The following ULK4 variants were observed in gnomAD, a reference collection of about 807,000 sequenced individuals.
ULK4 encodes inactive serine/threonine-protein kinase ULK4.
ULK4 carries 133 observed loss-of-function variants against 160.6 expected under a neutral mutation model. That is an observed-to-expected ratio of 0.83 (90% CI 0.72 to 0.96). The LOEUF (loss-of-function observed/expected upper bound fraction) is 0.96. Among genes scored for constraint, ULK4 ranks in the 40% least tolerant of loss-of-function variants. The probability of loss-of-function intolerance (pLI) is 0.00; values close to 1 mark genes in which losing one functional copy is unlikely to be tolerated. For missense variants in ULK4, 1,580 were observed against 1,499.5 expected (o/e 1.05, Z -0.89); for synonymous variants, 534 against 539.8 (o/e 0.99, Z 0.15).
intron 19 of ULK4, among the ~76,000 whole-genome samples, chr3:41,804,599 G>A (rs563567182): frequency 6.4e-4 from 97 of 151,882 alleles, no homozygotes; most frequent in African/African-American, 2.3e-3. Context: ...TGTCTTCTAG[G>A]CTTTTTATGG....
At chr3:41,259,976 A>G (rs2078910145) in intron 35 of ULK4, 1 of 152,096 alleles carries the variant, frequency 6.6e-6, no homozygotes, top group African/African-American at 2.4e-5. Flanking sequence ...CACTTCACAC[A>G]GGGGAGGATT....
chr3:41,442,299 T>A (rs1218057810), intron 34 of ULK4, among the ~76,000 whole-genome samples: 1 of 152,134 alleles, frequency 6.6e-6, no homozygotes, highest in Non-Finnish European at 1.5e-5. Context: ...GGACTTAAAA[T>A]GTTTTGTGAT....
At chr3:41,600,849 G>C (rs2125660927) in intron 31 of ULK4, among the ~76,000 whole-genome samples, 1 of 152,308 alleles carries the variant, frequency 6.6e-6, no homozygotes, top group East Asian at 1.9e-4. Flanking sequence ...AAGTCACACA[G>C]AAAACTTCCA....
intron 34 of ULK4, among the ~76,000 whole-genome samples, chr3:41,437,383 T>C (rs999898207): frequency 6.6e-6 from 1 of 152,188 alleles, no homozygotes; most frequent in Non-Finnish European, 1.5e-5. Context: ...ATTGATAAAG[T>C]ATATTAGGAA....
intron 2 of ULK4, among the ~76,000 whole-genome samples, chr3:41,945,404 C>T (rs73071222): frequency 0.13 from 19,053 of 152,094 alleles, 1,376 homozygotes; most frequent in Middle Eastern, 0.27. Flanking sequence ...CTCCCCAGAG[C>T]CTGAGGAACA....
intron 2 of ULK4, among the ~76,000 whole-genome samples, chr3:41,943,839 G>A (rs995637454): frequency 2.0e-5 from 3 of 151,916 alleles, no homozygotes; most frequent in East Asian, 1.9e-4. Context: ...CTGTCTCCTC[G>A]CCACATTATG....
At chr3:41,311,762 G>T (rs916963620) in intron 35 of ULK4, among the ~76,000 whole-genome samples, 1 of 151,346 alleles carries the variant, frequency 6.6e-6, no homozygotes, top group African/African-American at 2.4e-5. Context: ...TAGCGACAGG[G>T]TTTCCCCATG....
At chr3:41,867,005 A>G (rs1696912297) in intron 17 of ULK4, among the ~76,000 whole-genome samples, 1 of 152,170 alleles carries the variant, frequency 6.6e-6, no homozygotes. Context: ...CAATCTAGCT[A>G]GAGATTTAAA....
At position 41,569,188 on chromosome 3, in the gene ULK4, T is replaced by A. The variant is rs566721708; in HGVS notation, c.3121-3058A>T. On this transcript the variant is annotated intron_variant, in intron 31 of 36. Coordinates refer to ENST00000301831, the MANE Select transcript of ULK4 (RefSeq NM_017886.4). Reference sequence around the variant, plus strand: ...TCTGTTATAGGTCCTTTGGGGTTTTTATGGAAGTTTTGTTATGTAGGCAAG... The same window carrying A: ...TCTGTTATAGGTCCTTTGGGGTTTTAATGGAAGTTTTGTTATGTAGGCAAG... 2.6e-5 allele frequency among the ~76,000 whole-genome samples: 4 copies of A among 152,258 alleles called. No individual in the cohort carries two copies. In the East Asian group the frequency reaches 7.7e-4, roughly 29 times the overall value.
chr3:41,738,746 A>G (rs991342890), intron 22 of ULK4, among the ~76,000 whole-genome samples: 6 of 151,980 alleles, frequency 3.9e-5, no homozygotes, highest in African/African-American at 1.5e-4. Context: ...AAGAGGCACA[A>G]TGTTTGGTGG....
At chr3:41,547,894 G>A (rs1400270350) in intron 32 of ULK4, among the ~76,000 whole-genome samples, 2 of 152,160 alleles carry the variant, frequency 1.3e-5, no homozygotes, top group Non-Finnish European at 2.9e-5. Context: ...CTGCTCTTGG[G>A]ACAAACGGAG....
intron 19 of ULK4, among the ~76,000 whole-genome samples, chr3:41,805,500 G>C (rs1231941357): frequency 1.3e-5 from 2 of 151,964 alleles, no homozygotes; most frequent in African/African-American, 2.4e-5. Flanking sequence ...GATTGCCCTG[G>C]CCAGAACTTC....
At chr3:41,873,759 G>C (rs1037771221) in intron 17 of ULK4, among the ~76,000 whole-genome samples, 67 of 152,084 alleles carry the variant, frequency 4.4e-4, no homozygotes, top group African/African-American at 1.6e-3. Flanking sequence ...CACCATATTG[G>C]TTAGGATGGT....
intron 32 of ULK4, among the ~76,000 whole-genome samples, chr3:41,469,788 A>G (rs1382148464): frequency 6.9e-6 from 1 of 145,946 alleles, no homozygotes; most frequent in Non-Finnish European, 1.5e-5. Context: ...TATAAACAGA[A>G]ATACTAGAGA....
At chr3:41,937,622 C>T (rs542286638) in intron 3 of ULK4, among the ~76,000 whole-genome samples, 2 of 152,224 alleles carry the variant, frequency 1.3e-5, no homozygotes. Flanking sequence ...TCACCTTTCT[C>T]CCTGTATATG....
chr3:41,469,599 T>G (rs1187832738), intron 32 of ULK4, among the ~76,000 whole-genome samples: 1 of 24,152 alleles, frequency 4.1e-5, no homozygotes, highest in Non-Finnish European at 6.9e-5. Context: ...GGCCTACACC[T>G]GCCAAAAAAA....
intron 6 of ULK4, among the ~76,000 whole-genome samples, chr3:41,918,767 A>G (rs1699065551): frequency 6.6e-6 from 1 of 151,860 alleles, no homozygotes; most frequent in Non-Finnish European, 1.5e-5. Flanking sequence ...ACGCCCAGCT[A>G]ATTTTTTGTA....
rs2079542852 is a variant in ULK4, at chr3:41,290,671, A to G, written c.3679-41097T>C. ...CAGCGGCTAGGAGGCAACATTATAA[A>G]GTATGTGCCAGGTGTTGACCAGAAT... is the stretch of plus-strand genomic sequence containing the variant. On this transcript the variant is annotated intron_variant, in intron 35 of 36. Transcript: ENST00000301831. 2.6e-5 allele frequency among the ~76,000 whole-genome samples: 4 copies of G among 152,182 alleles called. No individual in the cohort carries two copies. The South Asian group carries it at 8.3e-4, about 32-fold the overall frequency.
chr3:41,733,725 A>ATAT (rs1385036866), intron 22 of ULK4, among the ~76,000 whole-genome samples: 142 of 93,604 alleles, frequency 1.5e-3, no homozygotes, highest in African/African-American at 8.8e-3. Context: ...TAAACACATG[A>ATAT]TTTTTTTTTT....
Sources: gnomAD v4.1 joint callset for allele counts (sites outside exome capture counted in the v4.1 genomes callset) on GRCh38, gnomAD v4.1.1 for gene constraint, MANE v1.5 for transcripts, NCBI Gene and HGNC (gene_info 2026-07-23, HGNC 2026-07-21) for gene names.